The following RASEF variants were observed in gnomAD, a reference collection of about 807,000 sequenced individuals.
RASEF encodes the protein ras and EF-hand domain-containing protein.
In RASEF, 68 loss-of-function variants were observed where a neutral mutation model predicts 90.1. The observed-to-expected ratio is 0.75, with a 90% CI of 0.62 to 0.92. The LOEUF is 0.92. Ranked by LOEUF, RASEF falls within the 40% of genes least tolerant of loss-of-function variation. The pLI, the probability that RASEF is intolerant of heterozygous loss-of-function variation, is 0.00. For synonymous variants in RASEF, 331 were observed against 345.2 expected (o/e 0.96, Z 0.46); for missense variants, 949 against 937.2 (o/e 1.01, Z -0.16).
At chr9:83,158,637 TG>T in the RASEF span, among the ~76,000 whole-genome samples, 2 of 148,278 alleles carry the variant, frequency 1.3e-5, no homozygotes, top group Non-Finnish European at 3.0e-5. Flanking sequence ...TATGTATATA[TG>T]TATATATGTC....
At chr9:83,048,889 G>GATGAC in intron 1 of RASEF, 1 of 460,786 alleles carries the variant, frequency 2.2e-6, no homozygotes, top group Non-Finnish European at 2.9e-6. Flanking sequence ...AACACTTTGG[G>GATGAC]AGGCCGAGGA....
intron 1 of RASEF, among the ~76,000 whole-genome samples, chr9:83,033,529 G>C (rs999187099): frequency 3.9e-5 from 6 of 152,196 alleles, no homozygotes; most frequent in Non-Finnish European, 7.3e-5. Context: ...GGAGAAGTTA[G>C]CAGGAGCCCG....
At chr9:83,103,246 C>T in the RASEF span, among the ~76,000 whole-genome samples, 2 of 152,148 alleles carry the variant, frequency 1.3e-5, no homozygotes, top group Non-Finnish European at 2.9e-5. Context: ...TATCATTTAG[C>T]CACTTAGAAC....
At chr9:83,212,393 G>A in the RASEF span, among the ~76,000 whole-genome samples, 699 of 152,236 alleles carry the variant, frequency 4.6e-3, 4 homozygotes, top group African/African-American at 0.016. Context: ...AAATTCATAA[G>A]CCATTAATTC....
rs1587468789 is a variant in RASEF at position 82,980,269 on chromosome 9, G to C, written c.*2408C>G. 1 of 152,260 alleles carries C rather than the reference G, an allele frequency of 6.6e-6. No homozygotes were observed. Among genetic ancestry groups the C allele is most frequent in the Non-Finnish European group, 1.5e-5 (1 of 68,006 alleles). The allele number at this position is 152,260 out of a possible 1,614,324, so 9.4% of individuals were successfully genotyped here. ...ATATTTTTGTTCTTACTGAAAATGTGCTTTAAATTTGAGAACACCTTCATG... is the reference window on the plus strand; with the variant it reads ...ATATTTTTGTTCTTACTGAAAATGTCCTTTAAATTTGAGAACACCTTCATG... On this transcript the variant is annotated 3_prime_UTR_variant, in exon 17 of 17. Coordinates refer to ENST00000376447, the MANE Select transcript of RASEF (RefSeq NM_152573.4).
At chr9:82,999,151 CTT>C (rs1470088497) in intron 12 of RASEF, among the ~76,000 whole-genome samples, 1 of 152,018 alleles carries the variant, frequency 6.6e-6, no homozygotes, top group East Asian at 1.9e-4. Flanking sequence ...AATAAGAACT[CTT>C]TAGACGAAGA....
At chr9:83,144,351 GAAA>G in the RASEF span, among the ~76,000 whole-genome samples, 67 of 64,684 alleles carry the variant, frequency 1.0e-3, no homozygotes, top group African/African-American at 4.6e-3. Context: ...AAGAAAGAAA[GAAA>G]GAAAGAAAGA....
chr9:83,049,070 G>A (rs1829987056), intron 1 of RASEF, among the ~76,000 whole-genome samples: 1 of 150,566 alleles, frequency 6.6e-6, no homozygotes, highest in Non-Finnish European at 1.5e-5. Context: ...GTTGCAGTGA[G>A]CTGAGATCAC....
chr9:83,097,035 T>C, the RASEF span, among the ~76,000 whole-genome samples: 2 of 152,276 alleles, frequency 1.3e-5, no homozygotes, highest in South Asian at 4.2e-4. Context: ...TCTATCATTG[T>C]TGGACATTTG....
intron 16 of RASEF, 23 bp from the exon 17 acceptor site, chr9:82,982,805 CAG>C (rs60689330): frequency 0.06 from 53,655 of 892,824 alleles, 3 homozygotes; most frequent in Non-Finnish European, 0.065. Context: ...TAGAGAGAGA[CAG>C]AGAGAGAGAG....
the RASEF span, among the ~76,000 whole-genome samples, chr9:83,158,621 T>C: frequency 7.0e-6 from 1 of 141,886 alleles, no homozygotes; most frequent in African/African-American, 2.6e-5. Context: ...TATGTATATA[T>C]GTACATATGT....
the RASEF span, among the ~76,000 whole-genome samples, chr9:83,072,250 A>C: frequency 6.6e-6 from 1 of 151,986 alleles, no homozygotes; most frequent in South Asian, 2.1e-4. Context: ...CACCATCCTC[A>C]TACCTTCTGC....
At chr9:82,986,316 A>G (rs1427298348) in intron 16 of RASEF, among the ~76,000 whole-genome samples, 1 of 152,224 alleles carries the variant, frequency 6.6e-6, no homozygotes, top group Non-Finnish European at 1.5e-5. Context: ...CTCTTCTTGT[A>G]GATCCAATGG....
At chr9:83,106,409 C>G in the RASEF span, among the ~76,000 whole-genome samples, 1 of 152,148 alleles carries the variant, frequency 6.6e-6, no homozygotes, top group Non-Finnish European at 1.5e-5. Context: ...TCATGTGTGA[C>G]AGTTGCCATC....
chr9:83,217,680 T>A, the RASEF span, among the ~76,000 whole-genome samples: 1 of 152,186 alleles, frequency 6.6e-6, no homozygotes, highest in African/African-American at 2.4e-5. Context: ...CACGTGGAAC[T>A]GTGAGTCCAT....
At chr9:83,143,436 A>G in the RASEF span, among the ~76,000 whole-genome samples, 2 of 152,232 alleles carry the variant, frequency 1.3e-5, no homozygotes, top group Admixed American at 1.3e-4. Flanking sequence ...ACACGTCTCA[A>G]AAGAAGACAT....
the RASEF span, among the ~76,000 whole-genome samples, chr9:83,132,818 T>C: frequency 6.6e-6 from 1 of 152,192 alleles, no homozygotes; most frequent in Non-Finnish European, 1.5e-5. Flanking sequence ...CTCTTTCCAG[T>C]GATCTGAGCT....
intron 12 of RASEF, among the ~76,000 whole-genome samples, chr9:82,998,679 T>C (rs1329442099): frequency 1.3e-5 from 2 of 152,152 alleles, no homozygotes; most frequent in African/African-American, 4.8e-5. Flanking sequence ...ATTTAATTTA[T>C]GAGCCAAGGG....
chr9:82,988,671 T>C (rs1828757524), intron 16 of RASEF, among the ~76,000 whole-genome samples: 1 of 151,908 alleles, frequency 6.6e-6, no homozygotes, highest in South Asian at 2.1e-4. Context: ...GAGTAGCCCC[T>C]CCCCTCTCCT....
Sources: allele counts gnomAD v4.1 joint callset (sites outside exome capture counted in the v4.1 genomes callset), GRCh38; gene constraint gnomAD v4.1.1; transcripts MANE v1.5; gene names NCBI Gene and HGNC (gene_info 2026-07-23, HGNC 2026-07-21).